STAU2: variants seen among roughly 807,000 people sequenced by gnomAD.
The protein encoded by STAU2 is staufen double-stranded RNA binding protein 2, also known as double-stranded RNA-binding protein Staufen homolog 2.
A neutral mutation model predicts 65.9 loss-of-function variants in STAU2; 20 were observed. The observed-to-expected ratio is 0.30, with a 90% CI of 0.21 to 0.44. The LOEUF (loss-of-function observed/expected upper bound fraction) is 0.44, where lower values mean the gene tolerates loss of function less well. Among genes scored for constraint, STAU2 ranks in the 20% least tolerant of loss-of-function variants. STAU2 has a pLI of 1.00. For synonymous variants in STAU2, 232 were observed against 233.9 expected (o/e 0.99, Z 0.07); for missense variants, 558 against 683.9 (o/e 0.82, Z 2.05).
At chr8:73,480,519 G>C (rs1443039785) in intron 13 of STAU2, among the ~76,000 whole-genome samples, 1 of 152,116 alleles carries the variant, frequency 6.6e-6, no homozygotes, top group Admixed American at 6.6e-5. Context: ...GAAACACAAT[G>C]TGCAGAAAAC....
chr8:73,539,848 C>CA (rs539856610), intron 13 of STAU2, among the ~76,000 whole-genome samples: 4,072 of 86,942 alleles, frequency 0.047, 161 homozygotes, highest in African/African-American at 0.13. Flanking sequence ...CATCCCCATC[C>CA]AAAAAAAAAA....
chr8:73,654,091 A>C (rs28448378), intron 6 of STAU2, among the ~76,000 whole-genome samples: 11,052 of 152,212 alleles, frequency 0.073, 440 homozygotes, highest in Middle Eastern at 0.14. Context: ...AAAATTTCAT[A>C]GTTTATTTTA....
Position 73,609,989 on chromosome 8 carries a change from T to C in STAU2, c.891+3755A>G, listed in dbSNP as rs552972863. Among the ~76,000 whole-genome samples, 47 of 152,092 alleles carry C rather than the reference T, an allele frequency of 3.1e-4. No individual in the cohort carries two copies. In the South Asian group the frequency reaches 9.1e-3, roughly 30 times the overall value. On this transcript the variant is annotated intron_variant, in intron 9 of 14. Coordinates refer to ENST00000524300, the MANE Select transcript of STAU2 (RefSeq NM_001164380.2). ...GATGGAGTTCAGTGTACATTAAGAA[T>C]TGCTTGGGGCTGGGCACAGTGGCTC...
intron 6 of STAU2, among the ~76,000 whole-genome samples, chr8:73,654,656 A>AAAAAAAAAAAAAAAAAAAAAAAAC (rs1563484753): frequency 3.5e-5 from 5 of 141,550 alleles, no homozygotes; most frequent in Non-Finnish European, 7.7e-5. Context: ...AAAAAAAAAA[A>AAAAAAAAAAAAAAAAAAAAAAAAC]AAAAAGAACT....
At chr8:73,456,659 C>G (rs1819089066) in intron 13 of STAU2, among the ~76,000 whole-genome samples, 2 of 152,172 alleles carry the variant, frequency 1.3e-5, no homozygotes, top group South Asian at 4.2e-4. Flanking sequence ...TGCATTCCGT[C>G]TTACCAGATA....
Position 73,446,735 on chromosome 8 carries a change from A to C in STAU2, c.1531-24033T>G, listed in dbSNP as rs574457280. ...AGTGATCCTCCTGTCTTGGCCTCCC[A>C]AAGTGCTGAGATTACAGACGTGAGC... On this transcript the variant is annotated intron_variant, in intron 13 of 14. Transcript: ENST00000524300. 4.6e-5 allele frequency among the ~76,000 whole-genome samples: 7 copies of C among 152,236 alleles called. No individual in the cohort carries two copies. In the East Asian group the frequency reaches 1.4e-3, roughly 29 times the overall value.
At chr8:73,598,523 A>G (rs539618904) in intron 10 of STAU2, among the ~76,000 whole-genome samples, 9 of 152,256 alleles carry the variant, frequency 5.9e-5, no homozygotes, top group Non-Finnish European at 1.2e-4. Context: ...CACCACGCCC[A>G]GTAGAAGAAA....
intron 6 of STAU2, among the ~76,000 whole-genome samples, chr8:73,669,654 T>TCTCTCTCTCTCC (rs1817522239): frequency 6.6e-6 from 1 of 151,732 alleles, no homozygotes; most frequent in African/African-American, 2.4e-5. Context: ...TCTCTCTCTC[T>TCTCTCTCTCTCC]CTCTCTCTCT....
At chr8:73,530,275 T>A (rs567832131) in intron 13 of STAU2, among the ~76,000 whole-genome samples, 17 of 152,306 alleles carry the variant, frequency 1.1e-4, no homozygotes, top group African/African-American at 3.8e-4. Context: ...TGAGATTTTC[T>A]CCTATTGGCC....
intron 11 of STAU2, among the ~76,000 whole-genome samples, chr8:73,591,881 G>GAAA (rs1224981628): frequency 2.8e-5 from 1 of 35,582 alleles, no homozygotes; most frequent in African/African-American, 1.3e-4. Flanking sequence ...TATCCCAGAG[G>GAAA]TAAAAAAAAA....
At chr8:73,450,604 T>C (rs754044264) in intron 13 of STAU2, among the ~76,000 whole-genome samples, 2 of 152,228 alleles carry the variant, frequency 1.3e-5, no homozygotes, top group Non-Finnish European at 2.9e-5. Context: ...AGCAAAGTAT[T>C]GGTATTCTTC....
intron 13 of STAU2, among the ~76,000 whole-genome samples, chr8:73,522,937 C>G (rs1715883319): frequency 6.6e-6 from 1 of 152,012 alleles, no homozygotes; most frequent in Admixed American, 6.6e-5. Flanking sequence ...GTGGCTCACA[C>G]CTGTAATCCT....
intron 12 of STAU2, among the ~76,000 whole-genome samples, chr8:73,562,615 C>T (rs1808312766): frequency 6.6e-6 from 1 of 152,182 alleles, no homozygotes; most frequent in Admixed American, 6.5e-5. Context: ...ATTAGGTTCA[C>T]ACAAAGAAAA....
chr8:73,742,995 CA>C (rs985808106), intron 1 of STAU2, among the ~76,000 whole-genome samples: 158 of 151,362 alleles, frequency 1.0e-3, no homozygotes, highest in Non-Finnish European at 1.7e-3. Flanking sequence ...ACATGAAAAG[CA>C]AAAAAAATTT....
upstream of STAU2, chr8:73,747,215 G>A (rs1210999930): frequency 1.4e-6 from 1 of 720,924 alleles, no homozygotes; most frequent in Non-Finnish European, 2.1e-6. Context: ...CGCAAGGAGC[G>A]CGCCCGGTCC....
At chr8:73,701,836 C>T (rs915749328) in intron 4 of STAU2, among the ~76,000 whole-genome samples, 14 of 152,040 alleles carry the variant, frequency 9.2e-5, no homozygotes, top group African/African-American at 3.1e-4. Flanking sequence ...CCTAAGTGTC[C>T]ATCAATAGAT....
At chr8:73,479,142 A>AT (rs1407587282) in intron 13 of STAU2, among the ~76,000 whole-genome samples, 1 of 152,040 alleles carries the variant, frequency 6.6e-6, no homozygotes, top group African/African-American at 2.4e-5. Context: ...CCACTACATC[A>AT]TTTCATTGGC....
At chr8:73,651,526 G>A (rs1172224643) in intron 6 of STAU2, 9 of 827,370 alleles carry the variant, frequency 1.1e-5, no homozygotes, top group South Asian at 2.7e-5. Context: ...TCCACTCACC[G>A]TCTTCTGGCC....
chr8:73,421,175 A>AG lies in STAU2; in HGVS notation c.*196dup. The stretch of plus-strand genomic sequence containing the variant: ...AGTTATGATCTGATCTCGAGTTCCA[A>AG]GGGAAATGCTCAAAGTTTTATTTTT... On this transcript the variant is annotated 3_prime_UTR_variant, in exon 15 of 15. Coordinates refer to ENST00000524300, the MANE Select transcript of STAU2 (RefSeq NM_001164380.2). 1.9e-6 allele frequency: 1 copy of AG among 532,350 alleles called. No individual in the cohort carries two copies. The highest frequency in any genetic ancestry group is 2.9e-5 in the South Asian group (1 of 34,050). The allele number at this position is 532,350 out of a possible 1,614,324, so 33.0% of individuals were successfully genotyped here.
Sources: gnomAD v4.1 joint callset for allele counts (sites outside exome capture counted in the v4.1 genomes callset) on GRCh38, gnomAD v4.1.1 for gene constraint, MANE v1.5 for transcripts, NCBI Gene and HGNC (gene_info 2026-07-23, HGNC 2026-07-21) for gene names.